Variants in CERS6 observed in about 807,000 individuals in gnomAD.
CERS6 encodes LAG1 homolog, ceramide synthase 6.
CERS6 carries 26 observed loss-of-function variants against 56.8 expected under a neutral mutation model. The ratio of observed to expected loss-of-function variants is 0.46; its 90% CI spans 0.34 to 0.63. The LOEUF (loss-of-function observed/expected upper bound fraction) is 0.63. Among genes scored for constraint, CERS6 ranks in the 30% least tolerant of loss-of-function variants. The pLI is 0.01. For synonymous variants in CERS6, 164 were observed against 173.3 expected (o/e 0.95, Z 0.42); for missense variants, 415 against 467.5 (o/e 0.89, Z 1.04).
chr2:168,622,682 A>T (rs960846542), intron 3 of CERS6, among the ~76,000 whole-genome samples: 3 of 152,224 alleles, frequency 2.0e-5, no homozygotes, highest in African/African-American at 4.8e-5. Flanking sequence ...CTTTGCATTG[A>T]TAATTCTGTT....
intron 4 of CERS6, among the ~76,000 whole-genome samples, chr2:168,673,020 G>T (rs550465337): frequency 6.6e-6 from 1 of 152,246 alleles, no homozygotes; most frequent in Admixed American, 6.5e-5. Flanking sequence ...TTTATTTGAA[G>T]GACATAGTTT....
intron 3 of CERS6, among the ~76,000 whole-genome samples, chr2:168,617,208 A>G (rs1684338549): frequency 6.6e-6 from 1 of 152,196 alleles, no homozygotes; most frequent in Admixed American, 6.5e-5. Context: ...TCAACCTGTC[A>G]AAACCTCTGG....
intron 1 of CERS6, among the ~76,000 whole-genome samples, chr2:168,540,872 G>A (rs987743027): frequency 2.0e-5 from 3 of 152,140 alleles, no homozygotes; most frequent in African/African-American, 7.2e-5. Context: ...TCTCTGTAGG[G>A]TTCTTGAGCT....
chr2:168,550,755 C>T (rs1424400221), intron 2 of CERS6, among the ~76,000 whole-genome samples: 1 of 152,200 alleles, frequency 6.6e-6, no homozygotes, highest in Non-Finnish European at 1.5e-5. Flanking sequence ...CCTCTATGCC[C>T]AGATTCAGGG....
At chr2:168,615,642 T>C (rs1014460083) in intron 3 of CERS6, among the ~76,000 whole-genome samples, 1 of 152,118 alleles carries the variant, frequency 6.6e-6, no homozygotes, top group South Asian at 2.1e-4. Flanking sequence ...AGACAGGTTT[T>C]TGAATTAACA....
chr2:168,573,937 G>A (rs956000247), intron 3 of CERS6, among the ~76,000 whole-genome samples: 1 of 152,122 alleles, frequency 6.6e-6, no homozygotes, highest in Non-Finnish European at 1.5e-5. Context: ...TGAGAAGGTA[G>A]GAAGGGATTA....
intron 6 of CERS6, among the ~76,000 whole-genome samples, chr2:168,697,839 C>T (rs1265830647): frequency 6.6e-6 from 1 of 152,178 alleles, no homozygotes; most frequent in Non-Finnish European, 1.5e-5. Flanking sequence ...CCTTGGCTTC[C>T]AGAAGCCTAG....
chr2:168,657,628 T>A (rs111526515), intron 4 of CERS6, among the ~76,000 whole-genome samples: 4 of 152,186 alleles, frequency 2.6e-5, no homozygotes, highest in African/African-American at 4.8e-5. Context: ...GTGCAGCGCC[T>A]GTGGACCGGC....
chr2:168,624,449 A>C (rs73024557), intron 3 of CERS6, among the ~76,000 whole-genome samples: 41 of 152,288 alleles, frequency 2.7e-4, no homozygotes, highest in African/African-American at 9.4e-4. Context: ...GCCATCTTAT[A>C]GTACGATGGG....
intron 3 of CERS6, among the ~76,000 whole-genome samples, chr2:168,596,983 C>G (rs1227169396): frequency 6.6e-6 from 1 of 152,182 alleles, no homozygotes; most frequent in African/African-American, 2.4e-5. Flanking sequence ...TCTAAAAATA[C>G]AATACTGTGT....
chr2:168,499,227 C>A (rs531969932), intron 1 of CERS6, among the ~76,000 whole-genome samples: 1 of 152,154 alleles, frequency 6.6e-6, no homozygotes, highest in South Asian at 2.1e-4. Context: ...TGGAGGTGGG[C>A]AGGCACTAAG....
rs567995868 is a variant in CERS6, at chr2:168,731,503, A to G, written c.845+13525A>G. Reference sequence around the variant, plus strand: ...ATTTTCTAGTTTTTATCTCATGGAAATATAAGGGTATTTTATCTTTTGTAT... The same window carrying G: ...ATTTTCTAGTTTTTATCTCATGGAAGTATAAGGGTATTTTATCTTTTGTAT... On this transcript the variant is annotated intron_variant, in intron 8 of 9. Transcript: ENST00000305747. Among the ~76,000 whole-genome samples the G allele has an allele frequency of 1.8e-4, 28 of 152,254 alleles. No homozygotes were observed. In the South Asian group the frequency reaches 5.4e-3, roughly 29 times the overall value.
At chr2:168,487,619 T>C (rs564047668) in intron 1 of CERS6, among the ~76,000 whole-genome samples, 1 of 152,364 alleles carries the variant, frequency 6.6e-6, no homozygotes, top group East Asian at 1.9e-4. Context: ...TTACCCAAAA[T>C]CTACATTTAG....
chr2:168,711,428 A>T (rs543153386), intron 6 of CERS6, among the ~76,000 whole-genome samples: 28 of 152,332 alleles, frequency 1.8e-4, no homozygotes, highest in Non-Finnish European at 3.2e-4. Flanking sequence ...AAATAACCTG[A>T]TCCAGTCTCT....
intron 3 of CERS6, among the ~76,000 whole-genome samples, chr2:168,569,499 C>G (rs1695942776): frequency 6.6e-6 from 1 of 152,192 alleles, no homozygotes; most frequent in East Asian, 1.9e-4. Flanking sequence ...GTAGCTTGGA[C>G]ATATTTGAAG....
At chr2:168,478,308 A>G (rs1444565994) in intron 1 of CERS6, among the ~76,000 whole-genome samples, 6 of 152,022 alleles carry the variant, frequency 3.9e-5, no homozygotes, top group East Asian at 3.9e-4. Flanking sequence ...CTGTGATTCA[A>G]CCTTCCCAGG....
intron 8 of CERS6, among the ~76,000 whole-genome samples, chr2:168,752,278 A>ATT (rs1218283470): frequency 1.6e-5 from 1 of 61,646 alleles, no homozygotes; most frequent in South Asian, 5.3e-4. Context: ...TAAAAAAATA[A>ATT]ATGTGTGTGT....
At chr2:168,519,062 T>G (rs1436691874) in intron 1 of CERS6, among the ~76,000 whole-genome samples, 1 of 152,112 alleles carries the variant, frequency 6.6e-6, no homozygotes, top group Non-Finnish European at 1.5e-5. Context: ...TCCAGGAGAT[T>G]GTGTTGTGGA....
intron 6 of CERS6, among the ~76,000 whole-genome samples, chr2:168,713,115 G>A (rs1477858634): frequency 5.3e-5 from 8 of 151,764 alleles, no homozygotes; most frequent in Admixed American, 4.6e-4. Context: ...CATCCTCAAA[G>A]CCTAGAACTG....
Sources: gnomAD v4.1 joint callset for allele counts (sites outside exome capture counted in the v4.1 genomes callset) on GRCh38, gnomAD v4.1.1 for gene constraint, MANE v1.5 for transcripts, NCBI Gene and HGNC (gene_info 2026-07-23, HGNC 2026-07-21) for gene names.